Variants in ATP11A observed in about 807,000 individuals in gnomAD.
The protein encoded by ATP11A is phospholipid-transporting ATPase IH.
A neutral mutation model predicts 154.4 loss-of-function variants in ATP11A; 81 were observed. The observed-to-expected ratio is 0.52, with a 90% confidence interval of 0.44 to 0.63. ATP11A has a LOEUF of 0.63. ATP11A is among the 30% of genes least tolerant of loss of function. ATP11A has a pLI of 0.00. For missense variants in ATP11A, 1,316 were observed against 1,474.3 expected (o/e 0.89, Z 1.76); for synonymous variants, 623 against 585.9 (o/e 1.06, Z -0.91).
chr13:112,819,865 G>A (rs753685969), intron 7 of ATP11A, 35 bp from the exon 8 acceptor site: 117 of 1,613,360 alleles, frequency 7.3e-5, no homozygotes, highest in African/African-American at 9.3e-5. Flanking sequence ...GCCGCTGGGC[G>A]CGTCCGGTCA....
At chr13:112,705,910 C>T (rs1182130268) in intron 1 of ATP11A, among the ~76,000 whole-genome samples, 4 of 151,960 alleles carry the variant, frequency 2.6e-5, no homozygotes, top group Non-Finnish European at 5.9e-5. Context: ...TAAACTTTAC[C>T]ATCTTGTCCA....
intron 1 of ATP11A, among the ~76,000 whole-genome samples, chr13:112,704,008 C>G (rs1267023667): frequency 6.6e-6 from 1 of 152,166 alleles, no homozygotes; most frequent in Non-Finnish European, 1.5e-5. Flanking sequence ...AGGAGGACGT[C>G]TTACCGTTGA....
intron 1 of ATP11A, among the ~76,000 whole-genome samples, chr13:112,740,973 A>G (rs559349544): frequency 6.6e-6 from 1 of 152,376 alleles, no homozygotes; most frequent in East Asian, 1.9e-4. Context: ...GTGCGTTTTC[A>G]GAATTTTTGT....
At position 112,738,903 on chromosome 13, in the gene ATP11A, G is replaced by T. The variant is rs531640246; in HGVS notation, c.40-46232G>T. Among the ~76,000 whole-genome samples the T allele has an allele frequency of 4.6e-4, 70 of 152,168 alleles. 2 individuals are homozygous for T. Among genetic ancestry groups the T allele is most frequent in the Middle Eastern group, 3.4e-3 (1 of 294 alleles). On this transcript the variant is annotated intron_variant, in intron 1 of 29. Transcript: ENST00000375645. The stretch of plus-strand genomic sequence containing the variant: ...CTGCTGTATGTCTTCTTCCCCTAGT[G>T]AAACAGCAGATTCCTTGGGGTAGGA...
intron 6 of ATP11A, among the ~76,000 whole-genome samples, chr13:112,818,338 C>T (rs998766769): frequency 2.0e-5 from 3 of 148,760 alleles, no homozygotes; most frequent in Non-Finnish European, 3.0e-5. Context: ...ACCGTTGGTG[C>T]GCTTGGTGAC....
intron 19 of ATP11A, 143 bp downstream of exon 19, chr13:112,854,673 G>T (rs1441260080): frequency 2.3e-5 from 23 of 995,096 alleles, no homozygotes; most frequent in Non-Finnish European, 3.2e-5. Flanking sequence ...CAGCTTCTTA[G>T]GGGTCAGGTG....
At chr13:112,759,276 G>A (rs866668129) in intron 1 of ATP11A, among the ~76,000 whole-genome samples, 5 of 152,194 alleles carry the variant, frequency 3.3e-5, no homozygotes, top group Non-Finnish European at 7.3e-5. Flanking sequence ...CCTGTTGCGT[G>A]CTGGGGTTTA....
intron 12 of ATP11A, among the ~76,000 whole-genome samples, chr13:112,828,067 G>T (rs930469977): frequency 2.0e-5 from 3 of 151,574 alleles, no homozygotes; most frequent in Admixed American, 2.0e-4. Flanking sequence ...CAAGGAAAGT[G>T]CCCAGCAGCG....
rs761305065 is a variant in ATP11A at position 112,854,366 on chromosome 13, G to A, written c.2079G>A (p.Thr693=). The A allele has an allele frequency of 9.3e-6, 15 of 1,613,950 alleles. No homozygotes were observed. The highest frequency in any genetic ancestry group is 2.7e-5 in the African/African-American group (2 of 74,922). The change falls in exon 19 of 30, where the codon ACG becomes ACA. Residue 693 remains threonine (T), a synonymous_variant. Transcript: ENST00000375645. ...TTCTCACGGGAGACAAGATGGAGAC[G>A]GCCGCGGCCACGTGCTACGCCTGCA... The part of the protein sequence containing the change: ...VWVLTGDKME[T]AAATCYACKL...
intron 25 of ATP11A, among the ~76,000 whole-genome samples, chr13:112,863,479 G>T (rs1185062249): frequency 2.7e-5 from 4 of 145,920 alleles, no homozygotes; most frequent in Non-Finnish European, 6.0e-5. Flanking sequence ...ATTCAGTGCA[G>T]CCCATGCAGC....
intron 1 of ATP11A, among the ~76,000 whole-genome samples, chr13:112,740,163 T>G (rs1334050173): frequency 4.0e-5 from 6 of 149,952 alleles, no homozygotes; most frequent in African/African-American, 7.4e-5. Context: ...TATATATATA[T>G]ATATATAGAT....
chr13:112,724,131 CGCCCCCTTCACCCCCTTTGCCCCTATT>C (rs1486089618), intron 1 of ATP11A, among the ~76,000 whole-genome samples: 12 of 125,196 alleles, frequency 9.6e-5, no homozygotes, highest in East Asian at 9.3e-4. Flanking sequence ...TCTCCCCCAT[CGCCCCCTTCACCCCCTTTGCCCCTATT>C]GCCCCCTTCT....
intron 25 of ATP11A, among the ~76,000 whole-genome samples, chr13:112,867,619 C>G (rs1049272659): frequency 6.6e-6 from 1 of 152,244 alleles, no homozygotes; most frequent in African/African-American, 2.4e-5. Flanking sequence ...TCAGTGGGCA[C>G]TGTGGCTCTG....
intron 1 of ATP11A, among the ~76,000 whole-genome samples, chr13:112,718,879 C>T (rs964229792): frequency 6.6e-6 from 1 of 152,016 alleles, no homozygotes; most frequent in South Asian, 2.1e-4. Flanking sequence ...GGGGTTTTAC[C>T]ATGTTGGCCA....
At chr13:112,748,146 A>G (rs1892389897) in intron 1 of ATP11A, among the ~76,000 whole-genome samples, 2 of 152,328 alleles carry the variant, frequency 1.3e-5, no homozygotes, top group African/African-American at 2.4e-5. Context: ...GGGTCTCATC[A>G]CAAGGTATCT....
intron 1 of ATP11A, among the ~76,000 whole-genome samples, chr13:112,766,161 G>A (rs2077072189): frequency 6.6e-6 from 1 of 152,166 alleles, no homozygotes; most frequent in South Asian, 2.1e-4. Flanking sequence ...GAACGGTGGT[G>A]GAGACGGACT....
chr13:112,841,573 G>T (rs1464589109), intron 16 of ATP11A, among the ~76,000 whole-genome samples: 3 of 151,248 alleles, frequency 2.0e-5, no homozygotes, highest in Non-Finnish European at 4.4e-5. Context: ...GGGAGCACCT[G>T]CGCCCAGGCA....
At chr13:112,761,042 C>T (rs909561141) in intron 1 of ATP11A, among the ~76,000 whole-genome samples, 2 of 152,220 alleles carry the variant, frequency 1.3e-5, no homozygotes, top group Non-Finnish European at 2.9e-5. Context: ...GTGGTGAAAC[C>T]TGGCTCCGCC....
Position 112,785,756 on chromosome 13 carries a change from G to A in ATP11A, c.162+499G>A, listed in dbSNP as rs536976694. Among the ~76,000 whole-genome samples the A allele has an allele frequency of 6.6e-5, 10 of 152,314 alleles. No individual in the cohort carries two copies. In the South Asian group the frequency reaches 1.9e-3, roughly 28 times the overall value. On this transcript the variant is annotated intron_variant, in intron 2 of 29. Transcript: ENST00000375645. The surrounding 1 kb of genome is among the most constrained non-coding windows in gnomAD (Gnocchi z 4.8). The stretch of plus-strand genomic sequence containing the variant: ...GTAAAGCGTAGGAAGCACAAGCAGA[G>A]TGCCGCGGTCTAAACGAAGCGTGTT...
Sources: allele counts gnomAD v4.1 joint callset (sites outside exome capture counted in the v4.1 genomes callset), GRCh38; gene constraint gnomAD v4.1.1; non-coding constraint Gnocchi (gnomAD v3.1); transcripts MANE v1.5; gene names NCBI Gene and HGNC (gene_info 2026-07-23, HGNC 2026-07-21).